ARSG: variants seen among roughly 807,000 people sequenced by gnomAD.
ARSG encodes ASG.
Under a neutral mutation model 50.5 loss-of-function variants are expected in ARSG, and 37 were observed. That is an observed-to-expected ratio of 0.73 (90% CI 0.56 to 0.96). The LOEUF (loss-of-function observed/expected upper bound fraction) is 0.96, where lower values mean the gene tolerates loss of function less well. Among genes scored for constraint, ARSG ranks in the 50% least tolerant of loss-of-function variants. ARSG has a pLI of 0.00. For synonymous variants in ARSG, 225 were observed against 254.6 expected, an observed-to-expected ratio of 0.88 and a Z score of 1.11; for missense variants, 629 against 675.3, an observed-to-expected ratio of 0.93 and a Z score of 0.76.
At chr17:68,429,991 C>T in the ARSG span, 10 of 1,613,850 alleles carry the variant, frequency 6.2e-6, no homozygotes, top group Admixed American at 1.7e-5. Flanking sequence ...TGTCATTGTA[C>T]GTACGTTGAG....
At chr17:68,403,095 A>G (rs1407358809) in intron 11 of ARSG, among the ~76,000 whole-genome samples, 2 of 152,272 alleles carry the variant, frequency 1.3e-5, no homozygotes, top group Non-Finnish European at 2.9e-5. Flanking sequence ...CATAAAAACA[A>G]AACATGACTT....
chr17:68,450,868 G>A, the ARSG span: 11 of 1,613,680 alleles, frequency 6.8e-6, no homozygotes, highest in African/African-American at 1.3e-5. Context: ...GAGAAGAGGC[G>A]CTCCACGATG....
chr17:68,289,119 G>A (rs1453183086), upstream of ARSG, among the ~76,000 whole-genome samples: 1 of 152,118 alleles, frequency 6.6e-6, no homozygotes, highest in Non-Finnish European at 1.5e-5. Context: ...GCCGAAGCAG[G>A]CAGATTACTT....
chr17:68,417,733 A>ATTTTTT (rs770292731), intron 11 of ARSG, among the ~76,000 whole-genome samples: 1,135 of 60,826 alleles, frequency 0.019, 263 homozygotes, highest in Non-Finnish European at 0.02. Flanking sequence ...GAGTTGCTGA[A>ATTTTTT]TTTTTTTTTT....
intron 11 of ARSG, among the ~76,000 whole-genome samples, chr17:68,405,377 A>T (rs2081664234): frequency 6.6e-6 from 1 of 151,946 alleles, no homozygotes; most frequent in Non-Finnish European, 1.5e-5. Context: ...GCTATATTTT[A>T]TGGTTTTCAT....
chr17:68,277,070 T>C (rs1643441369), intron 1 of ARSG, among the ~76,000 whole-genome samples: 1 of 152,206 alleles, frequency 6.6e-6, no homozygotes, highest in Admixed American at 6.5e-5. Context: ...TTTTGCTTCA[T>C]GCATCCACAT....
At chr17:68,352,014 C>T (rs2078786011) in intron 5 of ARSG, among the ~76,000 whole-genome samples, 1 of 151,354 alleles carries the variant, frequency 6.6e-6, no homozygotes, top group Admixed American at 6.6e-5. Context: ...CTAGCCCAGA[C>T]ACTGGACATA....
intron 6 of ARSG, among the ~76,000 whole-genome samples, chr17:68,362,612 A>G (rs2079346128): frequency 6.6e-6 from 1 of 152,080 alleles, no homozygotes; most frequent in African/African-American, 2.4e-5. Context: ...GCTTGGGACC[A>G]GAAGTATTTC....
chr17:68,299,139 C>G (rs1209589588), intron 1 of ARSG, among the ~76,000 whole-genome samples: 1 of 133,642 alleles, frequency 7.5e-6, no homozygotes. Context: ...GAGTCTCACT[C>G]TGTTGCCCAG....
intron 2 of ARSG, among the ~76,000 whole-genome samples, chr17:68,308,480 G>T (rs551878890): frequency 1.3e-5 from 2 of 151,966 alleles, no homozygotes; most frequent in Admixed American, 1.3e-4. Flanking sequence ...TCGTGGTCTC[G>T]CTGGCTTCAG....
intron 2 of ARSG, among the ~76,000 whole-genome samples, chr17:68,316,296 TCTC>T (rs1342035024): frequency 3.0e-4 from 46 of 152,328 alleles, no homozygotes; most frequent in African/African-American, 9.6e-4. Context: ...CCCATGCACA[TCTC>T]CTACCCATTC....
chr17:68,269,906 C>G (rs1353405666), intron 1 of ARSG, among the ~76,000 whole-genome samples: 2 of 151,920 alleles, frequency 1.3e-5, no homozygotes, highest in African/African-American at 4.8e-5. Flanking sequence ...CTCCTGACCT[C>G]AAATGATCCG....
the ARSG span, among the ~76,000 whole-genome samples, chr17:68,448,825 A>C: frequency 6.6e-6 from 1 of 152,354 alleles, no homozygotes; most frequent in East Asian, 1.9e-4. Flanking sequence ...AAAACACCTG[A>C]GTCAAGAATT....
chr17:68,377,050 C>T (rs993371118), intron 8 of ARSG, among the ~76,000 whole-genome samples: 1 of 152,110 alleles, frequency 6.6e-6, no homozygotes, highest in African/African-American at 2.4e-5. Context: ...TTAGTAGAGA[C>T]GGGGTTTCAC....
At chr17:68,449,085 TA>T in the ARSG span, among the ~76,000 whole-genome samples, 1 of 152,104 alleles carries the variant, frequency 6.6e-6, no homozygotes. Flanking sequence ...TCTCATTTGT[TA>T]AAAAAAATTA....
chr17:68,332,317 A>G (rs1001517697), intron 2 of ARSG, among the ~76,000 whole-genome samples: 13 of 152,220 alleles, frequency 8.5e-5, no homozygotes, highest in African/African-American at 4.8e-5. Context: ...CCAGACTTTA[A>G]GGTTATCTCC....
rs536008457 is a variant in ARSG, at chr17:68,369,247, C to A, written c.901+503C>A. ...CTGGAGCGACTGCAGAGGTTATAAG[C>A]ACTGCTTTTGGCCAGGTTGACTCAC... is the stretch of plus-strand genomic sequence containing the variant. On this transcript the variant is annotated intron_variant, in intron 7 of 11. Coordinates refer to ENST00000621439, the MANE Select transcript of ARSG (RefSeq NM_001267727.2). Among the ~76,000 whole-genome samples the A allele has an allele frequency of 8.9e-4, 135 of 152,236 alleles. No homozygotes were observed. In the South Asian group the frequency reaches 0.026, roughly 30 times the overall value.
At chr17:68,365,057 C>T (rs2079478699) in intron 6 of ARSG, among the ~76,000 whole-genome samples, 1 of 152,206 alleles carries the variant, frequency 6.6e-6, no homozygotes, top group African/African-American at 2.4e-5. Context: ...TGCCTGTAAC[C>T]CCAGCACTTT....
rs1251074812 is a variant in ARSG at position 68,367,523 on chromosome 17, C to T, written c.705-1025C>T. Among the ~76,000 whole-genome samples the T allele has an allele frequency of 6.6e-6, 1 of 152,124 alleles. No individual in the cohort carries two copies. The highest frequency in any genetic ancestry group is 1.5e-5 in the Non-Finnish European group (1 of 68,026). ...ATGGATGGATCTGTGGGAGAGGGGC[C>T]CCCTGAAGGTCCCTGCCACCGTTGT... On this transcript the variant is annotated intron_variant, in intron 6 of 11. Transcript: ENST00000621439. This position sits in a 1 kb window ranked among gnomAD's most constrained non-coding sequence, Gnocchi z 4.5.
Sources: allele counts gnomAD v4.1 joint callset (sites outside exome capture counted in the v4.1 genomes callset), GRCh38; gene constraint gnomAD v4.1.1; non-coding constraint Gnocchi (gnomAD v3.1); transcripts MANE v1.5; gene names NCBI Gene and HGNC (gene_info 2026-07-23, HGNC 2026-07-21).